Variants in TEAD1 observed in about 807,000 individuals in gnomAD.
TEAD1 encodes transcriptional enhancer factor TEF-1.
In TEAD1, 9 loss-of-function variants were observed where a neutral mutation model predicts 54.9. The observed-to-expected ratio is 0.16, with a 90% CI of 0.10 to 0.29. The LOEUF (loss-of-function observed/expected upper bound fraction) is 0.29, where lower values mean the gene tolerates loss of function less well. TEAD1 is among the 10% of genes least tolerant of loss of function. The pLI, the probability that TEAD1 is intolerant of heterozygous loss-of-function variation, is 1.00. For synonymous variants in TEAD1, 200 were observed against 187.8 expected, an observed-to-expected ratio of 1.07 and a Z score of -0.53; for missense variants, 387 against 535.9, an observed-to-expected ratio of 0.72 and a Z score of 2.74.
At position 12,716,730 on chromosome 11, in the gene TEAD1, T is replaced by C. The variant is rs548167361; in HGVS notation, c.-55+41169T>C. On this transcript the variant is annotated intron_variant, in intron 2 of 12. Coordinates refer to ENST00000527636, the MANE Select transcript of TEAD1 (RefSeq NM_021961.6). ...ATGGACACATGTGAACTCCATGTAG[T>C]TTATTATTCCTTTGTTTTTCAACCA... Among the ~76,000 whole-genome samples the C allele has an allele frequency of 5.6e-4, 85 of 152,324 alleles. 1 individual carries two copies. The highest frequency in any genetic ancestry group is 2.0e-3 in the African/African-American group (82 of 41,578).
At chr11:12,742,900 G>A (rs1192611386) in intron 2 of TEAD1, among the ~76,000 whole-genome samples, 1 of 152,168 alleles carries the variant, frequency 6.6e-6, no homozygotes, top group Non-Finnish European at 1.5e-5. Context: ...GCTCTTATAA[G>A]TGGCCTGGAA....
At chr11:12,922,054 G>A (rs573311189) in intron 10 of TEAD1, among the ~76,000 whole-genome samples, 1 of 152,180 alleles carries the variant, frequency 6.6e-6, no homozygotes, top group Non-Finnish European at 1.5e-5. Flanking sequence ...TTGGAAACCA[G>A]TAAAAGGAGC....
intron 3 of TEAD1, among the ~76,000 whole-genome samples, chr11:12,832,669 C>T (rs1402445395): frequency 6.6e-6 from 1 of 152,214 alleles, no homozygotes; most frequent in Admixed American, 6.5e-5. Context: ...TCAGTGAATG[C>T]CCCAGCTACT....
In TEAD1 at chr11:12,942,877, C is replaced by T. The variant is rs1293306580; in HGVS notation, c.*5655C>T. On this transcript the variant is annotated 3_prime_UTR_variant, in exon 13 of 13. Transcript: ENST00000527636. The stretch of plus-strand genomic sequence containing the variant: ...AATGTTCCAGCCCTCAAAGGGGCAA[C>T]TCTTTAAAGTCCTTGTTGGCTTTTA... 6.6e-6 allele frequency: 1 copy of T among 152,196 alleles called. No individual in the cohort carries two copies. The highest frequency in any genetic ancestry group is 1.5e-5 in the Non-Finnish European group (1 of 68,040). The allele number at this position is 152,196 out of a possible 1,614,324, so 9.4% of individuals were successfully genotyped here.
chr11:12,882,878 G>A lies in TEAD1; in HGVS notation c.575-123G>A, dbSNP rs1948000204. Reference sequence around the variant, plus strand: ...TGTCGTCTGAGTTATCCTGGCCAGAGCCGGTGGAGAGGGGGCTGTTGGCAT... The same window carrying A: ...TGTCGTCTGAGTTATCCTGGCCAGAACCGGTGGAGAGGGGGCTGTTGGCAT... On this transcript the variant is annotated intron_variant, in intron 8 of 12. Coordinates refer to ENST00000527636, the MANE Select transcript of TEAD1 (RefSeq NM_021961.6). 1.9e-5 allele frequency: 28 copies of A among 1,438,600 alleles called. 1 individual carries two copies. The South Asian group carries it at 3.2e-4, about 16-fold the overall frequency. 89.1% of individuals were successfully genotyped at this position (1,438,600 alleles called of 1,614,324 possible). A position where few individuals can be genotyped will look rare whatever the true frequency, so the allele number is the denominator to read the frequency against.
intron 2 of TEAD1, among the ~76,000 whole-genome samples, chr11:12,750,566 G>C (rs539202102): frequency 7.9e-5 from 12 of 151,720 alleles, no homozygotes; most frequent in East Asian, 3.9e-4. Context: ...CAGACAGACA[G>C]ACACACACAC....
At chr11:12,898,259 G>A (rs1445082511) in intron 9 of TEAD1, among the ~76,000 whole-genome samples, 1 of 152,068 alleles carries the variant, frequency 6.6e-6, no homozygotes, top group Non-Finnish European at 1.5e-5. Flanking sequence ...CTTGGCTTGT[G>A]TTTCTTTTTT....
chr11:12,839,174 G>C (rs1256392519), intron 3 of TEAD1, among the ~76,000 whole-genome samples: 5 of 152,022 alleles, frequency 3.3e-5, no homozygotes. Flanking sequence ...ACTTTGGGAG[G>C]CAGAGGCCAG....
chr11:12,841,924 G>C (rs1947048987), intron 3 of TEAD1, among the ~76,000 whole-genome samples: 1 of 152,110 alleles, frequency 6.6e-6, no homozygotes, highest in South Asian at 2.1e-4. Context: ...AGTCTGGGAA[G>C]GTCTCTTTTA....
intron 3 of TEAD1, among the ~76,000 whole-genome samples, chr11:12,773,618 T>C (rs1402676434): frequency 6.6e-6 from 1 of 152,250 alleles, no homozygotes; most frequent in Admixed American, 6.5e-5. Flanking sequence ...GGAGGGTTTA[T>C]GTTGTTACTG....
rs10700151 is a variant in TEAD1 at position 12,821,961 on chromosome 11, C to CTTTTT, written c.203-40273_203-40269dup. Reference sequence around the variant, plus strand: ...TACTCTCTCTCCTTTTTCTCTTTTCCTTTTTTTTTTTTTTTTTTTTGAGAC... The same window carrying CTTTTT: ...TACTCTCTCTCCTTTTTCTCTTTTCCTTTTTTTTTTTTTTTTTTTTTTTTTGAGAC... On this transcript the variant is annotated intron_variant, in intron 3 of 12. Transcript: ENST00000527636. Among the ~76,000 whole-genome samples the CTTTTT allele has an allele frequency of 8.3e-3, 567 of 67,950 alleles. 81 individuals are homozygous for CTTTTT. Among genetic ancestry groups the CTTTTT allele is most frequent in the Middle Eastern group, 0.032 (2 of 62 alleles). 44.6% of individuals were successfully genotyped at this position (67,950 alleles called of 152,430 possible).
chr11:12,880,351 A>G (rs1261751662), intron 6 of TEAD1, among the ~76,000 whole-genome samples: 1 of 152,212 alleles, frequency 6.6e-6, no homozygotes, highest in African/African-American at 2.4e-5. Flanking sequence ...GCTTATTGTC[A>G]TTGCCATTTT....
At chr11:12,914,758 T>C (rs182185395) in intron 10 of TEAD1, among the ~76,000 whole-genome samples, 1 of 152,374 alleles carries the variant, frequency 6.6e-6, no homozygotes, top group East Asian at 1.9e-4. Context: ...CCAGGCCCAG[T>C]GCAGAGCGAT....
At position 12,741,049 on chromosome 11, in the gene TEAD1, A is replaced by G. The variant is rs953507984; in HGVS notation, c.-54-23130A>G. ...AAAGTATAAGACAGAAAACTGCAATATCACTGTCCTAACTTAGTAACTATT... is the reference window on the plus strand; with the variant it reads ...AAAGTATAAGACAGAAAACTGCAATGTCACTGTCCTAACTTAGTAACTATT... On this transcript the variant is annotated intron_variant, in intron 2 of 12. Transcript: ENST00000527636. Among the ~76,000 whole-genome samples the G allele has an allele frequency of 2.6e-5, 4 of 152,228 alleles. No homozygotes were observed. The East Asian group carries it at 7.7e-4, about 29-fold the overall frequency.
At chr11:12,762,502 T>A (rs1945122144) in intron 2 of TEAD1, among the ~76,000 whole-genome samples, 1 of 152,206 alleles carries the variant, frequency 6.6e-6, no homozygotes, top group South Asian at 2.1e-4. Flanking sequence ...CATTTGGCAA[T>A]TTTGAAAGTC....
At chr11:12,860,017 A>G (rs971441730) in intron 3 of TEAD1, among the ~76,000 whole-genome samples, 3 of 152,144 alleles carry the variant, frequency 2.0e-5, no homozygotes, top group Non-Finnish European at 2.9e-5. Flanking sequence ...ACAGTTCTGG[A>G]CTCCAAGCTT....
chr11:12,783,098 TTGTGTGTGTGTGTGTGTGTGTGTG>T (rs34564715), intron 3 of TEAD1, among the ~76,000 whole-genome samples: 1 of 139,274 alleles, frequency 7.2e-6, no homozygotes, highest in Non-Finnish European at 1.6e-5. Context: ...AGGTAAGGGT[TTGTGTGTGTGTGTGTGTGTGTGTG>T]TGTGTGTGTG....
At chr11:12,887,054 T>C (rs936598024) in intron 9 of TEAD1, among the ~76,000 whole-genome samples, 1 of 151,602 alleles carries the variant, frequency 6.6e-6, no homozygotes, top group Non-Finnish European at 1.5e-5. Flanking sequence ...TGATTTAATA[T>C]ATGCAAATGA....
rs925791945 is a variant in TEAD1, at chr11:12,865,109, G to A, written c.330+209G>A. On this transcript the variant is annotated intron_variant, in intron 5 of 12. Coordinates refer to ENST00000527636, the MANE Select transcript of TEAD1 (RefSeq NM_021961.6). Reference sequence around the variant, plus strand: ...TGTGTGAGCGCGTGTGTGTGTTTGCGTGTGTGTGTGCGTGTGTATGTGTGT... The same window carrying A: ...TGTGTGAGCGCGTGTGTGTGTTTGCATGTGTGTGTGCGTGTGTATGTGTGT... The A allele has an allele frequency of 6.6e-5, 42 of 632,558 alleles. No homozygotes were observed. The Middle Eastern group carries it at 2.3e-3, about 35-fold the overall frequency. 39.2% of individuals were successfully genotyped at this position (632,558 alleles called of 1,614,324 possible).
Sources: allele counts gnomAD v4.1 joint callset (sites outside exome capture counted in the v4.1 genomes callset), GRCh38; gene constraint gnomAD v4.1.1; transcripts MANE v1.5; gene names NCBI Gene and HGNC (gene_info 2026-07-23, HGNC 2026-07-21).